The following ZNF43 variants were observed in gnomAD, a reference collection of about 807,000 sequenced individuals.
ZNF43 encodes the protein zinc finger protein 39-like 1 (KOX 27).
In ZNF43, 44 loss-of-function variants were observed where a neutral mutation model predicts 68.4. That is an observed-to-expected ratio of 0.64 (90% CI 0.51 to 0.83). ZNF43 has a LOEUF of 0.83. ZNF43 is among the 40% of genes least tolerant of loss of function. The pLI is 0.00. For synonymous variants in ZNF43, 308 were observed against 307.8 expected (o/e 1.00, Z -0.01); for missense variants, 896 against 933.2 (o/e 0.96, Z 0.52).
chr19:21,836,120 T>G lies in ZNF43; in HGVS notation c.-82A>C. On this transcript the variant is annotated 5_prime_UTR_variant, in exon 1 of 4. Transcript: ENST00000354959. ...GTCACAGAGCCACAGAGGCTGGACCTCTAGCAGCAGAGGACACAGAAGAAC... is the reference window on the plus strand; with the variant it reads ...GTCACAGAGCCACAGAGGCTGGACCGCTAGCAGCAGAGGACACAGAAGAAC... 6.2e-7 allele frequency: 1 copy of G among 1,607,982 alleles called. No individual in the cohort carries two copies. Among genetic ancestry groups the G allele is most frequent in the South Asian group, 1.1e-5 (1 of 90,680 alleles).
chr19:21,811,347 C>T (rs893785405), intron 3 of ZNF43, among the ~76,000 whole-genome samples: 1 of 151,916 alleles, frequency 6.6e-6, no homozygotes, highest in Non-Finnish European at 1.5e-5. Context: ...CCAGCCTGGG[C>T]AACATGGTGA....
At chr19:21,838,211 T>C (rs8108849), upstream of ZNF43, among the ~76,000 whole-genome samples, 6,413 of 152,202 alleles carry the variant, frequency 0.042, 394 homozygotes, top group African/African-American at 0.14. Flanking sequence ...AGAAATAAAA[T>C]GGGAGGCAGA....
chr19:21,847,773 G>A (rs995657753), intron 1 of ZNF43, among the ~76,000 whole-genome samples: 5 of 152,044 alleles, frequency 3.3e-5, no homozygotes, highest in South Asian at 4.1e-4. Context: ...ATGTAGGCAG[G>A]GTCCAGAGAA....
At chr19:21,831,250 G>A (rs913908207) in intron 1 of ZNF43, among the ~76,000 whole-genome samples, 1 of 152,176 alleles carries the variant, frequency 6.6e-6, no homozygotes, top group South Asian at 2.1e-4. Flanking sequence ...ATACTGGACA[G>A]AGCAATCAGG....
intron 1 of ZNF43, among the ~76,000 whole-genome samples, chr19:21,845,112 T>C (rs1418758477): frequency 6.6e-6 from 1 of 151,070 alleles, no homozygotes; most frequent in Non-Finnish European, 1.5e-5. Flanking sequence ...TCTCTTCTTG[T>C]AAGATGGGCA....
At chr19:21,828,897 C>G (rs2038274542) in intron 1 of ZNF43, among the ~76,000 whole-genome samples, 1 of 151,122 alleles carries the variant, frequency 6.6e-6, no homozygotes, top group South Asian at 2.1e-4. Context: ...GCCGGGTGCC[C>G]TGGCGGGCGC....
chr19:21,847,255 G>A (rs2457792), intron 1 of ZNF43, among the ~76,000 whole-genome samples: 70,713 of 151,930 alleles, frequency 0.47, 18,868 homozygotes, highest in African/African-American at 0.75. Flanking sequence ...TGCTCCCTGT[G>A]GGAAGGGCCC....
In ZNF43 at chr19:21,807,377, T is replaced by C. The variant is rs2036987028; in HGVS notation, c.*230A>G. Reference sequence around the variant, plus strand: ...ACAGACTCTCTGATGTTGAGTAAGATATGAGCACATATTAATGGCTTTTCC... The same window carrying C: ...ACAGACTCTCTGATGTTGAGTAAGACATGAGCACATATTAATGGCTTTTCC... On this transcript the variant is annotated 3_prime_UTR_variant, in exon 4 of 4. Transcript: ENST00000354959. 1.0e-5 allele frequency: 4 copies of C among 397,716 alleles called. No individual in the cohort carries two copies. Among genetic ancestry groups the C allele is most frequent in the Non-Finnish European group, 1.8e-5 (4 of 225,486 alleles). The allele number at this position is 397,716 out of a possible 1,614,324, so 24.6% of individuals were successfully genotyped here.
At chr19:21,844,921 A>AAAAAAATATATATATAT (rs1310761266) in intron 1 of ZNF43, among the ~76,000 whole-genome samples, 1 of 26,044 alleles carries the variant, frequency 3.8e-5, no homozygotes, top group Non-Finnish European at 6.2e-5. Context: ...AAAAAAAAAA[A>AAAAAAATATATATATAT]ATATATATAT....
chr19:21,807,808 A>C lies in ZNF43; in HGVS notation c.2229T>G (p.Phe743Leu). 1 of 1,613,346 alleles carries C rather than the reference A, an allele frequency of 6.2e-7. No individual in the cohort carries two copies. The highest frequency in any genetic ancestry group is 1.3e-5 in the African/African-American group (1 of 75,004). ...GTGTATTAAGGTGTGAGGAATAGTT[A>C]AATGCTTTGCCACATTCTTCACATT... ...PYKCEECGKAFNYSSHLNTHK... is the reference protein window; with the variant it reads ...PYKCEECGKALNYSSHLNTHK... The change falls in exon 4 of 4, where the codon TTT becomes TTG. Residue 743 changes from phenylalanine (F) to leucine (L), a missense_variant. Coordinates refer to ENST00000354959, the MANE Select transcript of ZNF43 (RefSeq NM_003423.4).
intron 1 of ZNF43, among the ~76,000 whole-genome samples, chr19:21,820,729 G>A (rs1340784763): frequency 6.6e-6 from 1 of 152,078 alleles, no homozygotes; most frequent in East Asian, 1.9e-4. Flanking sequence ...CATCACTGCT[G>A]TGATATTGCC....
At chr19:21,832,137 C>A (rs911014362) in intron 1 of ZNF43, among the ~76,000 whole-genome samples, 2 of 151,996 alleles carry the variant, frequency 1.3e-5, no homozygotes, top group African/African-American at 4.8e-5. Context: ...CAAACTATAC[C>A]ACAGGGCTAC....
chr19:21,850,058 A>G (rs1003501942), intron 1 of ZNF43: 11 of 152,282 alleles, frequency 7.2e-5, no homozygotes, highest in African/African-American at 2.7e-4. Context: ...CTCTGAAAGC[A>G]GGACACAGGC....
intron 1 of ZNF43, among the ~76,000 whole-genome samples, chr19:21,828,235 A>G (rs1400699852): frequency 6.6e-6 from 1 of 152,240 alleles, no homozygotes; most frequent in Non-Finnish European, 1.5e-5. Flanking sequence ...GTTTGTAACC[A>G]TATTTCAGTT....
chr19:21,818,490 G>A (rs1009067883), intron 2 of ZNF43, among the ~76,000 whole-genome samples: 5 of 152,000 alleles, frequency 3.3e-5, no homozygotes, highest in East Asian at 1.9e-4. Flanking sequence ...GCACGATCTC[G>A]GCTCACTGCA....
chr19:21,807,818 C>T lies in ZNF43; in HGVS notation c.2219G>A (p.Gly740Asp). ...GEQPYKCEEC[G>D]KAFNYSSHLN... Reference sequence around the variant, plus strand: ...GTGTGAGGAATAGTTAAATGCTTTGCCACATTCTTCACATTTGTAGGGTTG... The same window carrying T: ...GTGTGAGGAATAGTTAAATGCTTTGTCACATTCTTCACATTTGTAGGGTTG... The change falls in exon 4 of 4, where the codon GGC (glycine) becomes GAC (aspartate). Residue 740 changes from glycine (G) to aspartate (D), a missense_variant. By Grantham distance (94) the Gly-to-Asp change is moderately conservative. Transcript: ENST00000354959. 1.9e-6 allele frequency: 3 copies of T among 1,613,452 alleles called. No individual in the cohort carries two copies. Among genetic ancestry groups the T allele is most frequent in the Non-Finnish European group, 2.5e-6 (3 of 1,179,770 alleles).
intron 3 of ZNF43, among the ~76,000 whole-genome samples, chr19:21,813,034 TA>T (rs1409580087): frequency 6.6e-6 from 1 of 151,690 alleles, no homozygotes; most frequent in Non-Finnish European, 1.5e-5. Flanking sequence ...CCTGAGGTCA[TA>T]AGTTCGAGAC....
intron 1 of ZNF43, among the ~76,000 whole-genome samples, chr19:21,828,038 G>A (rs1054414388): frequency 6.6e-6 from 1 of 152,020 alleles, no homozygotes; most frequent in Non-Finnish European, 1.5e-5. Context: ...TTCCAATTTA[G>A]TTAAATGAAA....
chr19:21,839,966 G>C (rs1317519384), upstream of ZNF43: 1 of 152,232 alleles, frequency 6.6e-6, no homozygotes, highest in East Asian at 1.9e-4. Context: ...GCTAGGTGCT[G>C]GCCCAGTGAT....
Sources: gnomAD v4.1 joint callset for allele counts (sites outside exome capture counted in the v4.1 genomes callset) on GRCh38, gnomAD v4.1.1 for gene constraint, MANE v1.5 for transcripts, NCBI Gene and HGNC (gene_info 2026-07-23, HGNC 2026-07-21) for gene names.